Variants in INPP4A observed in about 807,000 individuals in gnomAD.
INPP4A encodes inositol polyphosphate-4-phosphatase, type I, 107kD.
INPP4A carries 33 observed loss-of-function variants against 119.8 expected under a neutral mutation model. That is an observed-to-expected ratio of 0.28 (90% CI 0.21 to 0.37). The LOEUF (loss-of-function observed/expected upper bound fraction) is 0.37, where lower values mean the gene tolerates loss of function less well. Ranked by LOEUF, INPP4A falls within the 10% of genes least tolerant of loss-of-function variation. The pLI, the probability that INPP4A is intolerant of heterozygous loss-of-function variation, is 1.00. For missense variants in INPP4A, 956 were observed against 1,289.9 expected (o/e 0.74, Z 3.97); for synonymous variants, 496 against 500.7 (o/e 0.99, Z 0.12).
intron 22 of INPP4A, among the ~76,000 whole-genome samples, chr2:98,571,062 A>T (rs1344714866): frequency 6.6e-6 from 1 of 152,216 alleles, no homozygotes; most frequent in Non-Finnish European, 1.5e-5. Flanking sequence ...AGGACTTGGC[A>T]GCTGAAGGCC....
At chr2:98,547,996 A>T (rs62157961) in intron 13 of INPP4A, among the ~76,000 whole-genome samples, 346 of 152,298 alleles carry the variant, frequency 2.3e-3, no homozygotes, top group Non-Finnish European at 3.8e-3. Flanking sequence ...GGTGGTTGGC[A>T]CCTGACTGTG....
At chr2:98,574,267 C>A (rs971472850) in intron 23 of INPP4A, among the ~76,000 whole-genome samples, 7 of 152,150 alleles carry the variant, frequency 4.6e-5, no homozygotes, top group Middle Eastern at 6.8e-3. Flanking sequence ...CCCCCCTGGC[C>A]AGGCTGTGAC....
rs1700099102 is a variant in INPP4A, at chr2:98,587,801, G to A, written c.*193G>A. On this transcript the variant is annotated 3_prime_UTR_variant, in exon 25 of 25. Coordinates refer to ENST00000409851, the MANE Select transcript of INPP4A (RefSeq NM_001134225.2). Reference sequence around the variant, plus strand: ...TTTTTTTCCCCATTGGAATCAATAGGAGGTAATGTTTGGCTCAATAGTGTG... The same window carrying A: ...TTTTTTTCCCCATTGGAATCAATAGAAGGTAATGTTTGGCTCAATAGTGTG... 4.0e-6 allele frequency: 2 copies of A among 499,464 alleles called. No individual in the cohort carries two copies. The highest frequency in any genetic ancestry group is 4.1e-5 in the Admixed American group (1 of 24,200). The allele number at this position is 499,464 out of a possible 1,614,324, so 30.9% of individuals were successfully genotyped here. A position where few individuals can be genotyped will look rare whatever the true frequency, so the allele number is the denominator to read the frequency against.
intron 1 of INPP4A, among the ~76,000 whole-genome samples, chr2:98,493,580 A>G (rs970251103): frequency 6.6e-5 from 10 of 151,808 alleles, no homozygotes; most frequent in African/African-American, 2.2e-4. Context: ...ATTTTTTTGT[A>G]GAGACAGGGT....
chr2:98,529,597 G>A (rs1006352800), intron 4 of INPP4A, among the ~76,000 whole-genome samples: 7 of 152,058 alleles, frequency 4.6e-5, no homozygotes, highest in Non-Finnish European at 8.8e-5. Context: ...TTAGCTGGGC[G>A]TGGTGGTGGG....
At chr2:98,492,196 C>G (rs910815883) in intron 1 of INPP4A, among the ~76,000 whole-genome samples, 2 of 152,096 alleles carry the variant, frequency 1.3e-5, no homozygotes, top group Admixed American at 6.6e-5. Context: ...GCATTTTTTA[C>G]TTCTGATGTT....
intron 1 of INPP4A, among the ~76,000 whole-genome samples, chr2:98,503,401 C>G (rs1422793974): frequency 1.3e-5 from 2 of 152,250 alleles, no homozygotes; most frequent in Non-Finnish European, 2.9e-5. Context: ...CCTTGATACA[C>G]AAGACTTTCC....
chr2:98,476,679 G>A (rs1232408923), intron 1 of INPP4A, among the ~76,000 whole-genome samples: 3 of 152,158 alleles, frequency 2.0e-5, no homozygotes, highest in South Asian at 4.1e-4. Context: ...CTCCCTCTGC[G>A]CTCATGGTTT....
At chr2:98,465,497 A>G (rs1184431561) in intron 1 of INPP4A, among the ~76,000 whole-genome samples, 1 of 152,242 alleles carries the variant, frequency 6.6e-6, no homozygotes, top group African/African-American at 2.4e-5. Context: ...GGTAACATTA[A>G]TAGGTTCCAA....
At chr2:98,454,849 G>T (rs1415294007) in intron 1 of INPP4A, among the ~76,000 whole-genome samples, 1 of 151,960 alleles carries the variant, frequency 6.6e-6, no homozygotes, top group African/African-American at 2.4e-5. Flanking sequence ...TACTGACACT[G>T]TTTTTTTAAA....
Position 98,537,517 on chromosome 2 carries a change from C to T in INPP4A, c.468-346C>T, listed in dbSNP as rs769663485. On this transcript the variant is annotated intron_variant, in intron 7 of 24. Coordinates refer to ENST00000409851, the MANE Select transcript of INPP4A (RefSeq NM_001134225.2). Reference sequence around the variant, plus strand: ...GTGTTCTGTAGTCCTCACTCTGACACGTGTCCCCCTCACCCTCTGGGCAGG... The same window carrying T: ...GTGTTCTGTAGTCCTCACTCTGACATGTGTCCCCCTCACCCTCTGGGCAGG... 5.3e-5 allele frequency among the ~76,000 whole-genome samples: 8 copies of T among 152,312 alleles called. No homozygotes were observed. In the East Asian group the frequency reaches 7.7e-4, roughly 15 times the overall value.
At chr2:98,473,935 A>G in intron 1 of INPP4A, among the ~76,000 whole-genome samples, 1 of 152,236 alleles carries the variant, frequency 6.6e-6, no homozygotes, top group East Asian at 1.9e-4. Context: ...TCATTCAAAA[A>G]TTACAAAGTG....
At chr2:98,561,155 C>G (rs1462640043) in intron 17 of INPP4A, among the ~76,000 whole-genome samples, 1 of 152,182 alleles carries the variant, frequency 6.6e-6, no homozygotes, top group African/African-American at 2.4e-5. Flanking sequence ...TTTGAAAGTG[C>G]TCTTCAAAGT....
intron 1 of INPP4A, among the ~76,000 whole-genome samples, chr2:98,482,768 T>A (rs944071010): frequency 6.6e-6 from 1 of 152,288 alleles, no homozygotes; most frequent in Non-Finnish European, 1.5e-5. Flanking sequence ...GCTTTTGATC[T>A]AAGCTTACAC....
At chr2:98,501,392 G>A (rs1683094961) in intron 1 of INPP4A, among the ~76,000 whole-genome samples, 1 of 152,184 alleles carries the variant, frequency 6.6e-6, no homozygotes, top group Admixed American at 6.5e-5. Context: ...CATGGTAGAA[G>A]CAATGATTTC....
rs72821953 is a variant in INPP4A at position 98,543,255 on chromosome 2, C to T, written c.819-622C>T. Reference sequence around the variant, plus strand: ...GGCAATGAGACAGAAGGGCTTGTGACTGCAGCAGGATCTGTGGTATTCCGC... The same window carrying T: ...GGCAATGAGACAGAAGGGCTTGTGATTGCAGCAGGATCTGTGGTATTCCGC... On this transcript the variant is annotated intron_variant, in intron 10 of 24. Transcript: ENST00000409851. Among the ~76,000 whole-genome samples, 677 of 152,348 alleles carry T rather than the reference C, an allele frequency of 4.4e-3. 4 individuals carry two copies. Among genetic ancestry groups the T allele is most frequent in the Non-Finnish European group, 7.0e-3 (475 of 68,034 alleles).
chr2:98,461,183 T>C (rs529645243), intron 1 of INPP4A, among the ~76,000 whole-genome samples: 22 of 152,302 alleles, frequency 1.4e-4, no homozygotes, highest in African/African-American at 5.3e-4. Flanking sequence ...GGTTGGCTCA[T>C]GGTTCTGCCA....
intron 15 of INPP4A, 68 bp from the exon 16 acceptor site, chr2:98,555,485 T>A: frequency 6.6e-7 from 1 of 1,507,272 alleles, no homozygotes; most frequent in East Asian, 2.3e-5. Context: ...GGAGGGCGAT[T>A]TGGTTTGTGT....
At chr2:98,496,437 G>T (rs1244383501) in intron 1 of INPP4A, among the ~76,000 whole-genome samples, 1 of 152,112 alleles carries the variant, frequency 6.6e-6, no homozygotes, top group Non-Finnish European at 1.5e-5. Flanking sequence ...GAAAACATAG[G>T]TGAGGCGCTT....
Sources: gnomAD v4.1 joint callset for allele counts (sites outside exome capture counted in the v4.1 genomes callset) on GRCh38, gnomAD v4.1.1 for gene constraint, MANE v1.5 for transcripts, NCBI Gene and HGNC (gene_info 2026-07-23, HGNC 2026-07-21) for gene names.